The following RGS6 variants were observed in gnomAD, a reference collection of about 807,000 sequenced individuals.
The protein encoded by RGS6 is regulator of G-protein signaling 6.
In RGS6, 30 loss-of-function variants were observed where a neutral mutation model predicts 78.5. The ratio of observed to expected loss-of-function variants is 0.38; its 90% CI spans 0.29 to 0.52. The LOEUF is 0.52. Among genes scored for constraint, RGS6 ranks in the 20% least tolerant of loss-of-function variants. The pLI, the probability that RGS6 is intolerant of heterozygous loss-of-function variation, is 0.85. For missense variants in RGS6, 495 were observed against 609.7 expected (o/e 0.81, Z 1.98); for synonymous variants, 206 against 206.0 (o/e 1.00, Z 0.00).
intron 3 of RGS6, among the ~76,000 whole-genome samples, chr14:72,357,598 C>T (rs2080592162): frequency 6.6e-6 from 1 of 152,084 alleles, no homozygotes; most frequent in Admixed American, 6.5e-5. Flanking sequence ...TTGGCCCTGC[C>T]CTAGAGATTT....
chr14:72,454,626 A>G, intron 4 of RGS6, 48 bp downstream of exon 4: 1 of 1,534,268 alleles, frequency 6.5e-7, no homozygotes, highest in Non-Finnish European at 9.0e-7. Context: ...ATCAGTAAAC[A>G]TCCCATAACC....
chr14:72,079,027 T>G (rs975662788), intron 2 of RGS6, among the ~76,000 whole-genome samples: 1 of 152,136 alleles, frequency 6.6e-6, no homozygotes, highest in Non-Finnish European at 1.5e-5. Context: ...TTTTTAACAG[T>G]CATATATCAA....
At chr14:72,582,313 C>T in the RGS6 span, among the ~76,000 whole-genome samples, 3 of 152,132 alleles carry the variant, frequency 2.0e-5, no homozygotes, top group Non-Finnish European at 2.9e-5. Context: ...CTATCTCCCC[C>T]GCCTGCTTGT....
At chr14:72,110,925 T>C (rs894910934) in intron 2 of RGS6, among the ~76,000 whole-genome samples, 3 of 152,146 alleles carry the variant, frequency 2.0e-5, no homozygotes, top group Non-Finnish European at 4.4e-5. Flanking sequence ...CTTGCCTCAC[T>C]CTGATCCCTC....
chr14:72,117,736 TGTGATC>T (rs756801632), intron 2 of RGS6, among the ~76,000 whole-genome samples: 4 of 152,120 alleles, frequency 2.6e-5, no homozygotes, highest in Admixed American at 6.5e-5. Context: ...ATGGGAGAGA[TGTGATC>T]GGGGAGTGAT....
intron 2 of RGS6, among the ~76,000 whole-genome samples, chr14:72,164,314 G>T (rs921880944): frequency 6.6e-6 from 1 of 152,178 alleles, no homozygotes; most frequent in African/African-American, 2.4e-5. Context: ...CAAAGTCTTT[G>T]ATTTGCAGGT....
intron 3 of RGS6, among the ~76,000 whole-genome samples, chr14:72,363,065 G>A (rs1186940723): frequency 6.6e-6 from 1 of 152,148 alleles, no homozygotes; most frequent in African/African-American, 2.4e-5. Flanking sequence ...GAGCATATTG[G>A]CAGAACAGCC....
At chr14:72,458,130 C>A in intron 4 of RGS6, 141 bp from the exon 5 acceptor site, 1 of 625,888 alleles carries the variant, frequency 1.6e-6, no homozygotes, top group Non-Finnish European at 2.8e-6. Context: ...CCCCTCCTCA[C>A]CCCCACACTG....
At chr14:72,096,628 C>G (rs538275267) in intron 2 of RGS6, among the ~76,000 whole-genome samples, 3 of 152,184 alleles carry the variant, frequency 2.0e-5, no homozygotes, top group Non-Finnish European at 4.4e-5. Context: ...CTCTTATGCC[C>G]TGGCTCTTAA....
At chr14:71,945,883 T>C (rs1251766625) in intron 1 of RGS6, among the ~76,000 whole-genome samples, 1 of 152,176 alleles carries the variant, frequency 6.6e-6, no homozygotes, top group Non-Finnish European at 1.5e-5. Flanking sequence ...AGAAACACCT[T>C]TTGAGCTGGC....
chr14:71,872,504 A>G, the RGS6 span, among the ~76,000 whole-genome samples: 89,326 of 151,924 alleles, frequency 0.59, 26,899 homozygotes, highest in East Asian at 0.76. Flanking sequence ...CATCCCTTTC[A>G]TGTGGAAACT....
chr14:72,425,782 T>C (rs1183310605), intron 3 of RGS6, among the ~76,000 whole-genome samples: 1 of 152,186 alleles, frequency 6.6e-6, no homozygotes, highest in Non-Finnish European at 1.5e-5. Flanking sequence ...AAATTTTCCT[T>C]CTAGAGATTT....
intron 2 of RGS6, among the ~76,000 whole-genome samples, chr14:72,270,639 C>T (rs1483550183): frequency 6.6e-6 from 1 of 152,188 alleles, no homozygotes; most frequent in Non-Finnish European, 1.5e-5. Flanking sequence ...TCCACTGTGG[C>T]AACAATAGTT....
intron 2 of RGS6, among the ~76,000 whole-genome samples, chr14:72,010,676 A>G (rs1324977862): frequency 6.6e-6 from 1 of 152,208 alleles, no homozygotes; most frequent in South Asian, 2.1e-4. Flanking sequence ...ACTCATGCTA[A>G]AGTTCCATGT....
intron 2 of RGS6, among the ~76,000 whole-genome samples, chr14:72,284,446 C>T (rs2062137030): frequency 6.6e-6 from 1 of 152,188 alleles, no homozygotes; most frequent in African/African-American, 2.4e-5. Flanking sequence ...CAAGGTATAG[C>T]TGGGGCCATG....
At chr14:72,089,908 T>C (rs2153496008) in intron 2 of RGS6, among the ~76,000 whole-genome samples, 1 of 152,182 alleles carries the variant, frequency 6.6e-6, no homozygotes, top group East Asian at 1.9e-4. Flanking sequence ...TACACCAGGG[T>C]GCCAACTCCC....
At chr14:72,281,488 T>C in intron 2 of RGS6, among the ~76,000 whole-genome samples, 1 of 152,186 alleles carries the variant, frequency 6.6e-6, no homozygotes, top group Non-Finnish European at 1.5e-5. Context: ...CACTGGGAAC[T>C]AGCCACATGT....
At chr14:72,171,209 C>T (rs2097012102) in intron 2 of RGS6, among the ~76,000 whole-genome samples, 2 of 152,114 alleles carry the variant, frequency 1.3e-5, no homozygotes, top group Non-Finnish European at 1.5e-5. Context: ...TCTGTGCATG[C>T]ATGCGTACAT....
chr14:72,201,382 G>A (rs2041548027), intron 2 of RGS6, among the ~76,000 whole-genome samples: 1 of 152,114 alleles, frequency 6.6e-6, no homozygotes. Context: ...AAGAGCTCAA[G>A]TCTGATAAGA....
Sources: allele counts gnomAD v4.1 joint callset (sites outside exome capture counted in the v4.1 genomes callset), GRCh38; gene constraint gnomAD v4.1.1; transcripts MANE v1.5; gene names NCBI Gene and HGNC (gene_info 2026-07-23, HGNC 2026-07-21).